PCLO: variants seen among roughly 807,000 people sequenced by gnomAD.
The protein encoded by PCLO is protein piccolo.
A neutral mutation model predicts 427.5 loss-of-function variants in PCLO; 82 were observed. That is an observed-to-expected ratio of 0.19 (90% CI 0.16 to 0.23). The LOEUF is 0.23. Ranked by LOEUF, PCLO falls within the 10% of genes least tolerant of loss-of-function variation. The pLI is 1.00. For synonymous variants in PCLO, 2,357 were observed against 2,155.4 expected, an observed-to-expected ratio of 1.09 and a Z score of -2.59; for missense variants, 6,239 against 6,115.9, an observed-to-expected ratio of 1.02 and a Z score of -0.67.
At chr7:82,963,270 A>G (rs1199568156) in intron 4 of PCLO, among the ~76,000 whole-genome samples, 1 of 152,106 alleles carries the variant, frequency 6.6e-6, no homozygotes, top group Non-Finnish European at 1.5e-5. Flanking sequence ...AGAATATTTT[A>G]ATCTGTTTAA....
intron 3 of PCLO, among the ~76,000 whole-genome samples, chr7:83,098,134 C>A (rs2023986): frequency 0.62 from 93,581 of 151,838 alleles, 30,334 homozygotes; most frequent in African/African-American, 0.83. Context: ...GGATGTCAAA[C>A]TCTTCACTCT....
chr7:83,093,351 T>C (rs1790429472), intron 3 of PCLO, among the ~76,000 whole-genome samples: 2 of 151,256 alleles, frequency 1.3e-5, no homozygotes, highest in Non-Finnish European at 2.9e-5. Context: ...AAGTATTCTA[T>C]AAAAATAGCA....
chr7:83,067,457 T>G (rs1789696645), intron 3 of PCLO, among the ~76,000 whole-genome samples: 1 of 152,188 alleles, frequency 6.6e-6, no homozygotes, highest in African/African-American at 2.4e-5. Flanking sequence ...ACTTTACTTT[T>G]TTTTCCTTTT....
intron 3 of PCLO, among the ~76,000 whole-genome samples, chr7:83,011,234 T>C (rs1301393540): frequency 1.3e-5 from 2 of 152,110 alleles, no homozygotes; most frequent in Non-Finnish European, 2.9e-5. Context: ...AAAAGAAATA[T>C]CTTTAACTTA....
intron 20 of PCLO, among the ~76,000 whole-genome samples, chr7:82,815,406 T>G (rs1352244571): frequency 2.0e-5 from 3 of 152,048 alleles, no homozygotes; most frequent in Non-Finnish European, 4.4e-5. Flanking sequence ...GAGGATGCTT[T>G]AAAACAAAAA....
chr7:82,828,152 T>G (rs1247688193), intron 16 of PCLO, among the ~76,000 whole-genome samples, 186 bp from the exon 17 acceptor site: 1 of 149,980 alleles, frequency 6.7e-6, no homozygotes, highest in Non-Finnish European at 1.5e-5. Flanking sequence ...AAAAATATGT[T>G]GGATGCTTGT....
chr7:83,115,571 T>C (rs968589790), intron 3 of PCLO, among the ~76,000 whole-genome samples: 4 of 152,072 alleles, frequency 2.6e-5, no homozygotes, highest in Non-Finnish European at 4.4e-5. Context: ...GCTTTCCAAA[T>C]TGATATTTCA....
rs910789830 is a variant in PCLO at position 83,152,050 on chromosome 7, C to T, written c.1893+2698G>A. ...CGTGATCTTGGCTCACTGCAAGCTC[C>T]GCCTCCCCGGTTCAGGCCATTCTCC... On this transcript the variant is annotated intron_variant, in intron 2 of 24. Transcript: ENST00000333891. Among the ~76,000 whole-genome samples the T allele has an allele frequency of 1.1e-4, 17 of 151,864 alleles. 1 individual carries two copies. The highest frequency in any genetic ancestry group is 2.4e-4 in the Non-Finnish European group (16 of 67,978).
intron 3 of PCLO, among the ~76,000 whole-genome samples, chr7:83,039,605 G>A (rs960852695): frequency 2.0e-5 from 3 of 152,024 alleles, no homozygotes; most frequent in African/African-American, 7.2e-5. Flanking sequence ...CTGCTGCTTT[G>A]TAGTAAGTTT....
In PCLO at chr7:82,755,123, A is replaced by G. The variant is rs1018713688; in HGVS notation, c.*3452T>C. ...TATCACTACTGCTACCACCACTATC[A>G]TTACAGTCATTCCTATAATAAGAAT... On this transcript the variant is annotated 3_prime_UTR_variant, in exon 25 of 25. Coordinates refer to ENST00000333891, the MANE Select transcript of PCLO (RefSeq NM_033026.6). The G allele has an allele frequency of 1.3e-5, 2 of 152,096 alleles. No individual in the cohort carries two copies. Among genetic ancestry groups the G allele is most frequent in the Non-Finnish European group, 2.9e-5 (2 of 67,978 alleles). 9.4% of individuals were successfully genotyped at this position (152,096 alleles called of 1,614,324 possible). A position where few individuals can be genotyped will look rare whatever the true frequency, so the allele number is the denominator to read the frequency against.
chr7:83,025,083 A>G (rs1788455820), intron 3 of PCLO, among the ~76,000 whole-genome samples: 1 of 152,188 alleles, frequency 6.6e-6, no homozygotes, highest in South Asian at 2.1e-4. Flanking sequence ...CCTCACCAGC[A>G]ACGGAACAAA....
At chr7:82,829,256 G>GA (rs1022148259) in intron 16 of PCLO, among the ~76,000 whole-genome samples, 2 of 152,028 alleles carry the variant, frequency 1.3e-5, no homozygotes, top group Admixed American at 6.6e-5. Context: ...TGCATAATGG[G>GA]ATCACCTGAG....
chr7:83,151,016 A>C (rs1792115612), intron 2 of PCLO, among the ~76,000 whole-genome samples: 1 of 152,162 alleles, frequency 6.6e-6, no homozygotes, highest in South Asian at 2.1e-4. Flanking sequence ...GGTTGTCCCC[A>C]AAATTTCATC....
chr7:83,000,268 T>TGAGA (rs145445022), intron 3 of PCLO, among the ~76,000 whole-genome samples: 1,054 of 53,958 alleles, frequency 0.02, 7 homozygotes, highest in Middle Eastern at 0.023. Context: ...TTCAAAGTGT[T>TGAGA]GAGAGAGAGA....
chr7:82,804,706 G>A (rs188478258), intron 21 of PCLO, among the ~76,000 whole-genome samples: 7 of 152,192 alleles, frequency 4.6e-5, no homozygotes, highest in African/African-American at 1.4e-4. Context: ...TAATAGGCAC[G>A]GTTGTGTTCC....
rs1263101190 is a variant in PCLO, at chr7:83,134,821, C to T, written c.2729G>A (p.Gly910Glu). 1 of 1,613,416 alleles carries T rather than the reference C, an allele frequency of 6.2e-7. No individual in the cohort carries two copies. The highest frequency in any genetic ancestry group is 2.2e-5 in the East Asian group (1 of 44,860). The change falls in exon 3 of 25, where the codon GGA (glycine) becomes GAA (glutamate). Residue 910 changes from glycine (G) to glutamate (E), a missense_variant. Around this residue, in one of 5 missense-constraint regions of PCLO, gnomAD observed 4,677 missense variants for 4,468.4 expected, o/e 1.05. Coordinates refer to ENST00000333891, the MANE Select transcript of PCLO (RefSeq NM_033026.6). ...TGATTTGGGGGCATCAGTAATACTTCCCAGATTCAGACTGAAACGCCTTGA... is the reference window on the plus strand; with the variant it reads ...TGATTTGGGGGCATCAGTAATACTTTCCAGATTCAGACTGAAACGCCTTGA... Reference protein sequence around the residue: ...EQSRRFSLNLGSITDAPKSQP... With the variant: ...EQSRRFSLNLESITDAPKSQP...
At chr7:82,993,073 C>A (rs553528830) in intron 3 of PCLO, among the ~76,000 whole-genome samples, 3 of 151,922 alleles carry the variant, frequency 2.0e-5, no homozygotes, top group Non-Finnish European at 4.4e-5. Context: ...TTGATCTTCC[C>A]TCCCAAGCTG....
At chr7:83,000,953 GAGAA>G (rs1265843972) in intron 3 of PCLO, among the ~76,000 whole-genome samples, 1 of 151,802 alleles carries the variant, frequency 6.6e-6, no homozygotes, top group African/African-American at 2.4e-5. Context: ...CTAGCATAAT[GAGAA>G]AGAAATTAGT....
intron 3 of PCLO, among the ~76,000 whole-genome samples, chr7:82,996,259 G>C (rs1161302398): frequency 6.6e-6 from 1 of 151,800 alleles, no homozygotes; most frequent in Non-Finnish European, 1.5e-5. Context: ...TTTATTTTCA[G>C]TACTCTTGGG....
Sources: gnomAD v4.1 joint callset for allele counts (sites outside exome capture counted in the v4.1 genomes callset) on GRCh38, gnomAD v4.1.1 for gene constraint, gnomAD v4.1.1 regional missense constraint, MANE v1.5 for transcripts, NCBI Gene and HGNC (gene_info 2026-07-23, HGNC 2026-07-21) for gene names.